TMEM178B: variants seen among roughly 807,000 people sequenced by gnomAD.
TMEM178B encodes transmembrane protein 178B.
Under a neutral mutation model 31.0 loss-of-function variants are expected in TMEM178B, and 5 were observed. That is an observed-to-expected ratio of 0.16 (90% CI 0.08 to 0.34). TMEM178B has a LOEUF of 0.34. Among genes scored for constraint, TMEM178B ranks in the 10% least tolerant of loss-of-function variants. The probability of loss-of-function intolerance (pLI) is 1.00; values close to 1 mark genes in which losing one functional copy is unlikely to be tolerated. For synonymous variants in TMEM178B, 164 were observed against 164.0 expected, an observed-to-expected ratio of 1.00 and a Z score of 0.00; for missense variants, 275 against 400.3, an observed-to-expected ratio of 0.69 and a Z score of 2.67.
rs547010741 is a variant in TMEM178B, at chr7:141,358,980, A to G, written c.497-78628A>G. 3.3e-5 allele frequency among the ~76,000 whole-genome samples: 5 copies of G among 152,298 alleles called. No homozygotes were observed. The South Asian group carries it at 6.2e-4, about 19-fold the overall frequency. ...GTACGTACTCTTGTACAGACAGTTC[A>G]TAGTTACTAACCAGGTGACCAGCTG... On this transcript the variant is annotated intron_variant, in intron 2 of 3. Transcript: ENST00000565468.
intron 1 of TMEM178B, among the ~76,000 whole-genome samples, chr7:141,108,173 T>C (rs1186719904): frequency 6.6e-6 from 1 of 152,176 alleles, no homozygotes; most frequent in Non-Finnish European, 1.5e-5. Flanking sequence ...GAGAACTCTT[T>C]AAAGATGATT....
At chr7:141,147,040 A>G (rs1795863992) in intron 1 of TMEM178B, among the ~76,000 whole-genome samples, 1 of 152,214 alleles carries the variant, frequency 6.6e-6, no homozygotes, top group Admixed American at 6.5e-5. Flanking sequence ...TTGTGTCTTT[A>G]GTAATGAGAA....
intron 1 of TMEM178B, among the ~76,000 whole-genome samples, chr7:141,144,685 T>C (rs1795823972): frequency 6.6e-6 from 1 of 152,064 alleles, no homozygotes; most frequent in Non-Finnish European, 1.5e-5. Flanking sequence ...GAATAGTCCT[T>C]TATTTAAGGA....
At chr7:141,175,815 G>A (rs1301528308) in intron 1 of TMEM178B, among the ~76,000 whole-genome samples, 3 of 152,126 alleles carry the variant, frequency 2.0e-5, no homozygotes, top group South Asian at 4.1e-4. Context: ...TTTGTATCCC[G>A]AGACTTTGCT....
intron 2 of TMEM178B, among the ~76,000 whole-genome samples, chr7:141,423,768 C>A (rs1801259188): frequency 6.7e-6 from 1 of 150,286 alleles, no homozygotes; most frequent in Non-Finnish European, 1.5e-5. Flanking sequence ...GTTAAAGGGG[C>A]AGATTTGAGT....
chr7:141,361,550 A>G (rs1168637449), intron 2 of TMEM178B, among the ~76,000 whole-genome samples: 4 of 152,110 alleles, frequency 2.6e-5, no homozygotes, highest in African/African-American at 9.7e-5. Context: ...TATGTTTCTG[A>G]TCTCTTTTTA....
intron 2 of TMEM178B, among the ~76,000 whole-genome samples, chr7:141,218,866 G>T (rs1797206122): frequency 6.6e-6 from 1 of 152,066 alleles, no homozygotes; most frequent in Admixed American, 6.5e-5. Flanking sequence ...AGTGGACTCA[G>T]CTGGCCAGTT....
At chr7:141,444,335 T>C (rs531089801) in intron 3 of TMEM178B, among the ~76,000 whole-genome samples, 4 of 152,316 alleles carry the variant, frequency 2.6e-5, no homozygotes, top group African/African-American at 4.8e-5. Flanking sequence ...TTAATAAATA[T>C]TTGTGGAACA....
chr7:141,259,772 A>G (rs1171068499), intron 2 of TMEM178B, among the ~76,000 whole-genome samples: 4 of 152,254 alleles, frequency 2.6e-5, no homozygotes, highest in African/African-American at 7.2e-5. Context: ...GTCAGAGGCT[A>G]TGCCCAACAC....
At chr7:141,361,682 A>G (rs1035890992) in intron 2 of TMEM178B, among the ~76,000 whole-genome samples, 1 of 152,196 alleles carries the variant, frequency 6.6e-6, no homozygotes, top group African/African-American at 2.4e-5. Flanking sequence ...TGTTCTCTCT[A>G]GTTTGCCACC....
chr7:141,445,472 A>G (rs1289658713), intron 3 of TMEM178B, among the ~76,000 whole-genome samples: 1 of 152,202 alleles, frequency 6.6e-6, no homozygotes, highest in African/African-American at 2.4e-5. Flanking sequence ...TGTACTTAGA[A>G]ACATGCTAGG....
intron 1 of TMEM178B, among the ~76,000 whole-genome samples, chr7:141,110,438 G>A (rs2129175011): frequency 6.6e-6 from 1 of 152,350 alleles, no homozygotes; most frequent in East Asian, 1.9e-4. Flanking sequence ...CCACATTAAT[G>A]TATAGAGGCA....
chr7:141,134,419 C>T (rs1795641977), intron 1 of TMEM178B, among the ~76,000 whole-genome samples: 1 of 152,090 alleles, frequency 6.6e-6, no homozygotes, highest in African/African-American at 2.4e-5. Context: ...TCCATCACCA[C>T]TAGACTGAAC....
rs28704943 is a variant in TMEM178B, at chr7:141,219,070, C to T, written c.496+6366C>T. On this transcript the variant is annotated intron_variant, in intron 2 of 3. Transcript: ENST00000565468. ...CTAACAGTAATAACAACAGTAAGCA[C>T]CTCTTTTTGTTCAGTCAGCTGTAAT... is the stretch of plus-strand genomic sequence containing the variant. Among the ~76,000 whole-genome samples the T allele has an allele frequency of 4.0e-3, 610 of 152,332 alleles. 3 individuals carry two copies. The highest frequency in any genetic ancestry group is 0.013 in the South Asian group (61 of 4,828).
At chr7:141,137,590 A>G (rs114250361) in intron 1 of TMEM178B, among the ~76,000 whole-genome samples, 20 of 152,340 alleles carry the variant, frequency 1.3e-4, no homozygotes, top group African/African-American at 4.6e-4. Flanking sequence ...GAGGCTGGCT[A>G]AGTTCTAGTG....
chr7:141,301,300 T>C (rs1045833500), intron 2 of TMEM178B, among the ~76,000 whole-genome samples: 7 of 152,246 alleles, frequency 4.6e-5, no homozygotes, highest in African/African-American at 1.7e-4. Flanking sequence ...AAATTTCTCT[T>C]CTTTGTTATA....
intron 1 of TMEM178B, among the ~76,000 whole-genome samples, chr7:141,191,435 G>A (rs1030055602): frequency 6.6e-6 from 1 of 152,200 alleles, no homozygotes; most frequent in Non-Finnish European, 1.5e-5. Flanking sequence ...GCCCTCTAGA[G>A]AGGCTGAACA....
At chr7:141,123,260 G>C (rs1380005439) in intron 1 of TMEM178B, among the ~76,000 whole-genome samples, 1 of 152,198 alleles carries the variant, frequency 6.6e-6, no homozygotes, top group Non-Finnish European at 1.5e-5. Context: ...TAATGGACTG[G>C]GTGTTCAGGT....
intron 2 of TMEM178B, among the ~76,000 whole-genome samples, chr7:141,400,179 G>T (rs1387252304): frequency 6.6e-6 from 1 of 152,152 alleles, no homozygotes; most frequent in Non-Finnish European, 1.5e-5. Context: ...GAGTTCTAAA[G>T]TTTTGGACCA....
Sources: allele counts gnomAD v4.1 joint callset (sites outside exome capture counted in the v4.1 genomes callset), GRCh38; gene constraint gnomAD v4.1.1; transcripts MANE v1.5; gene names NCBI Gene and HGNC (gene_info 2026-07-23, HGNC 2026-07-21).